Variants in SGCZ observed in about 807,000 individuals in gnomAD.
SGCZ encodes zeta-sarcoglycan.
In SGCZ, 40 loss-of-function variants were observed where a neutral mutation model predicts 41.3. The observed-to-expected ratio is 0.97, with a 90% CI of 0.75 to 1.26. The LOEUF is 1.26. Among genes scored for constraint, SGCZ ranks in the 50% most tolerant of loss-of-function variants. The pLI is 0.00. For missense variants in SGCZ, 552 were observed against 369.8 expected (o/e 1.49, Z -4.04); for synonymous variants, 206 against 137.5 (o/e 1.50, Z -3.49).
intron 1 of SGCZ, among the ~76,000 whole-genome samples, chr8:15,206,596 C>T (rs1801075059): frequency 6.6e-6 from 1 of 151,866 alleles, no homozygotes. Flanking sequence ...TTACAGGTGC[C>T]CGCCACCACA....
At chr8:14,279,272 C>T (rs1029389986) in intron 3 of SGCZ, among the ~76,000 whole-genome samples, 1 of 151,970 alleles carries the variant, frequency 6.6e-6, no homozygotes, top group African/African-American at 2.4e-5. Context: ...ATAGCATTTA[C>T]AAACTTTGCC....
rs79310957 is a variant in SGCZ at position 14,923,227 on chromosome 8, C to A, written c.39+314358G>T. On this transcript the variant is annotated intron_variant, in intron 1 of 7. Transcript: ENST00000382080. Reference sequence around the variant, plus strand: ...AGCACTGGCTTCTAGAAGACATTGGCCAGTGTAGGCAGCCTTTATTCTACT... The same window carrying A: ...AGCACTGGCTTCTAGAAGACATTGGACAGTGTAGGCAGCCTTTATTCTACT... 5.9e-3 allele frequency among the ~76,000 whole-genome samples: 894 copies of A among 152,224 alleles called. 7 individuals carry two copies. Among genetic ancestry groups the A allele is most frequent in the Non-Finnish European group, 9.7e-3 (661 of 68,012 alleles).
At chr8:14,991,804 T>C (rs79106214) in intron 1 of SGCZ, among the ~76,000 whole-genome samples, 12,164 of 150,724 alleles carry the variant, frequency 0.081, 773 homozygotes, top group African/African-American at 0.17. Flanking sequence ...TTAATCTTGA[T>C]GTTTACCTCT....
At chr8:14,722,020 ATCT>A (rs1420106975) in intron 1 of SGCZ, among the ~76,000 whole-genome samples, 2 of 152,146 alleles carry the variant, frequency 1.3e-5, no homozygotes, top group East Asian at 3.9e-4. Flanking sequence ...TTTCATTGTG[ATCT>A]TCTTTTGAAT....
chr8:15,028,068 C>T (rs1803521164), intron 1 of SGCZ, among the ~76,000 whole-genome samples: 1 of 152,076 alleles, frequency 6.6e-6, no homozygotes, highest in African/African-American at 2.4e-5. Context: ...CTTCCGCATT[C>T]ACACACTCCT....
chr8:14,718,648 G>C (rs1475060820), intron 1 of SGCZ, among the ~76,000 whole-genome samples: 1 of 39,618 alleles, frequency 2.5e-5, no homozygotes, highest in Admixed American at 3.6e-4. Flanking sequence ...GTTCACAGGA[G>C]TATGCTATAA....
intron 2 of SGCZ, among the ~76,000 whole-genome samples, chr8:14,450,924 G>A (rs1800575192): frequency 6.6e-6 from 1 of 152,022 alleles, no homozygotes; most frequent in Non-Finnish European, 1.5e-5. Context: ...ATCATCTTGG[G>A]GCAGACAGAA....
intron 4 of SGCZ, among the ~76,000 whole-genome samples, chr8:14,234,310 C>T (rs1806679339): frequency 1.3e-5 from 2 of 151,892 alleles, no homozygotes; most frequent in East Asian, 3.9e-4. Flanking sequence ...CACTGGACTA[C>T]ATATATCCCT....
rs564308452 is a variant in SGCZ at position 14,330,273 on chromosome 8, G to C, written c.235-6069C>G. Among the ~76,000 whole-genome samples the C allele has an allele frequency of 6.6e-5, 10 of 152,108 alleles. No homozygotes were observed. In the East Asian group the frequency reaches 1.6e-3, roughly 24 times the overall value. On this transcript the variant is annotated intron_variant, in intron 2 of 7. Coordinates refer to ENST00000382080, the MANE Select transcript of SGCZ (RefSeq NM_139167.4). ...TAATCCTTCCAACAGTGGATATGAA[G>C]TATGTGGTTAGTAAAATGCTTGATT...
intron 1 of SGCZ, among the ~76,000 whole-genome samples, chr8:14,908,438 A>T (rs1799182691): frequency 1.3e-5 from 2 of 152,148 alleles, no homozygotes; most frequent in Admixed American, 1.3e-4. Context: ...TAAATGGGCA[A>T]GTTACAGATT....
Position 14,309,804 on chromosome 8 carries a change from G to T in SGCZ, c.336+14299C>A. 6 of 1,425,164 alleles carry T rather than the reference G, an allele frequency of 4.2e-6. No homozygotes were observed. In the South Asian group the frequency reaches 6.6e-5, roughly 16 times the overall value. 88.3% of individuals were successfully genotyped at this position (1,425,164 alleles called of 1,614,324 possible). A position where few individuals can be genotyped will look rare whatever the true frequency, so the allele number is the denominator to read the frequency against. On this transcript the variant is annotated intron_variant, in intron 3 of 7. Coordinates refer to ENST00000382080, the MANE Select transcript of SGCZ (RefSeq NM_139167.4). The stretch of plus-strand genomic sequence containing the variant: ...TCATTTCCATCTAAATGTTACTAAG[G>T]TATAAGAGAAGTCTCATTCGCCTTT...
At chr8:14,713,125 G>C (rs910367589) in intron 1 of SGCZ, among the ~76,000 whole-genome samples, 1 of 152,126 alleles carries the variant, frequency 6.6e-6, no homozygotes, top group Non-Finnish European at 1.5e-5. Flanking sequence ...AATTAGCTAT[G>C]ATTAGAACTA....
intron 2 of SGCZ, among the ~76,000 whole-genome samples, chr8:14,378,757 A>G (rs971827658): frequency 6.6e-6 from 1 of 152,152 alleles, no homozygotes; most frequent in African/African-American, 2.4e-5. Flanking sequence ...AACTCCAGGT[A>G]AATAGTGTCA....
At chr8:14,589,271 G>C (rs1563135950) in intron 1 of SGCZ, among the ~76,000 whole-genome samples, 1 of 151,266 alleles carries the variant, frequency 6.6e-6, no homozygotes, top group South Asian at 2.1e-4. Flanking sequence ...GTTTGAATCT[G>C]GGAGGTGAGT....
At chr8:15,046,434 TG>T (rs1804303152) in intron 1 of SGCZ, among the ~76,000 whole-genome samples, 1 of 152,094 alleles carries the variant, frequency 6.6e-6, no homozygotes, top group Non-Finnish European at 1.5e-5. Flanking sequence ...TTCTATGAGT[TG>T]TAATCTATTA....
At chr8:14,127,867 G>C (rs62490845) in intron 5 of SGCZ, among the ~76,000 whole-genome samples, 7 of 152,046 alleles carry the variant, frequency 4.6e-5, no homozygotes, top group African/African-American at 1.2e-4. Context: ...TCATCACCCA[G>C]GTATTAAGCC....
chr8:14,601,916 C>T (rs574527817), intron 1 of SGCZ, among the ~76,000 whole-genome samples: 2 of 151,944 alleles, frequency 1.3e-5, no homozygotes, highest in East Asian at 2.0e-4. Flanking sequence ...GTCAGGAGAT[C>T]GAGACCATCC....
chr8:14,626,983 G>A (rs916699856), intron 1 of SGCZ, among the ~76,000 whole-genome samples: 9 of 152,028 alleles, frequency 5.9e-5, no homozygotes, highest in African/African-American at 1.4e-4. Context: ...CACCTCACAT[G>A]GTAAAAAAAG....
At chr8:14,607,709 T>C (rs1805797534) in intron 1 of SGCZ, among the ~76,000 whole-genome samples, 1 of 152,110 alleles carries the variant, frequency 6.6e-6, no homozygotes, top group South Asian at 2.1e-4. Context: ...ATCTACACAA[T>C]CAAGAAAAGA....
Sources: allele counts gnomAD v4.1 joint callset (sites outside exome capture counted in the v4.1 genomes callset), GRCh38; gene constraint gnomAD v4.1.1; transcripts MANE v1.5; gene names NCBI Gene and HGNC (gene_info 2026-07-23, HGNC 2026-07-21).